Variants in AP5Z1 observed in about 807,000 individuals in gnomAD.
AP5Z1 encodes AP-5 complex subunit zeta-1.
In AP5Z1, 106 loss-of-function variants were observed where a neutral mutation model predicts 83.0. The ratio of observed to expected loss-of-function variants is 1.28; its 90% CI spans 1.09 to 1.50. The LOEUF (loss-of-function observed/expected upper bound fraction) is 1.50, where lower values mean the gene tolerates loss of function less well. Among genes scored for constraint, AP5Z1 ranks in the 40% most tolerant of loss-of-function variants. AP5Z1 has a pLI of 0.00. For synonymous variants in AP5Z1, 751 were observed against 514.1 expected (o/e 1.46, Z -6.23); for missense variants, 1,565 against 1,094.2 (o/e 1.43, Z -6.07).
At position 4,791,184 on chromosome 7, in the gene AP5Z1, G is replaced by A. The variant is rs1236157710; in HGVS notation, c.2223G>A (p.Glu741=). The A allele has an allele frequency of 1.2e-6, 2 of 1,612,386 alleles. No individual in the cohort carries two copies. The highest frequency in any genetic ancestry group is 1.7e-6 in the Non-Finnish European group (2 of 1,179,704). Reference sequence around the variant, plus strand: ...CAGCCACCAGCTCCACGCACAGCGAGGAGGGCGCGGAAGCCATCCGTACCC... The same window carrying A: ...CAGCCACCAGCTCCACGCACAGCGAAGAGGGCGCGGAAGCCATCCGTACCC... The part of the protein sequence containing the change: ...HSPATSSTHS[E]EGAEAIRTRA... Residue 741 remains glutamate (E), a synonymous_variant, in exon 17 of 17, where the codon GAG becomes GAA. Transcript: ENST00000649063.
chr7:4,784,815 T>G, intron 6 of AP5Z1, 93 bp from the exon 7 acceptor site: 1 of 1,470,608 alleles, frequency 6.8e-7, no homozygotes, highest in Non-Finnish European at 9.1e-7. Flanking sequence ...GGCTGCGGCC[T>G]GTGCTCTCCT....
Position 4,790,842 on chromosome 7 carries a change from C to T in AP5Z1, c.2108C>T (p.Thr703Ile), listed in dbSNP as rs1316099213. ...CCCCAGGTGGTCACCGTGCTGATGA[C>T]CACGCTGACGAAGCTGGCCTCCCGG... Reference protein sequence around the residue: ...CPPQVVTVLMTTLTKLASRSQ... With the variant: ...CPPQVVTVLMITLTKLASRSQ... Residue 703 changes from threonine (T) to isoleucine (I), a missense_variant, in exon 16 of 17, where the codon ACC becomes ATC. Physicochemically the swap from Thr to Ile is moderately conservative, Grantham distance 89. Transcript: ENST00000649063. The T allele has an allele frequency of 1.2e-6, 2 of 1,608,890 alleles. No individual in the cohort carries two copies. Among genetic ancestry groups the T allele is most frequent in the Non-Finnish European group, 1.7e-6 (2 of 1,178,708 alleles).
At chr7:4,783,882 G>A in intron 5 of AP5Z1, 84 bp downstream of exon 5, 1 of 1,392,998 alleles carries the variant, frequency 7.2e-7, no homozygotes, top group East Asian at 2.5e-5. Context: ...ACAGCGGCGA[G>A]GCCTGCTGTC....
chr7:4,783,290 C>T, intron 3 of AP5Z1, 26 bp from the exon 4 acceptor site: 1 of 1,575,746 alleles, frequency 6.3e-7, no homozygotes, highest in Non-Finnish European at 8.6e-7. Flanking sequence ...GCCAGTACCC[C>T]AGCGTTTGCC....
At position 4,787,746 on chromosome 7, in the gene AP5Z1, G is replaced by A; in HGVS notation, c.1424G>A (p.Cys475Tyr). ...CTGCACGCGCTGCTGGACCTGCCCTGCTTGACGGCGGTGCTGGACCTGCAG... is the reference window on the plus strand; with the variant it reads ...CTGCACGCGCTGCTGGACCTGCCCTACTTGACGGCGGTGCTGGACCTGCAG... ...EMLHALLDLP[C>Y]LTAVLDLQLR... is the part of the protein sequence containing the mutation. The change falls in exon 11 of 17, where the codon TGC (cysteine) becomes TAC (tyrosine). Residue 475 changes from cysteine (C) to tyrosine (Y), a missense_variant. Cys to Tyr is a radical substitution (Grantham distance 194, BLOSUM62 -2). Transcript: ENST00000649063. The A allele has an allele frequency of 2.6e-6, 4 of 1,543,800 alleles. No homozygotes were observed. The highest frequency in any genetic ancestry group is 1.4e-5 in the African/African-American group (1 of 73,262).
At chr7:4,785,320 C>T (rs541382947) in intron 7 of AP5Z1, 95 bp from the exon 8 acceptor site, 150 of 1,493,426 alleles carry the variant, frequency 1.0e-4, no homozygotes, top group Non-Finnish European at 1.2e-4. Context: ...CCCCTGCTCC[C>T]GGTCCTGCCT....
At chr7:4,781,438 G>T (rs971208253) in intron 2 of AP5Z1, 126 bp downstream of exon 2, 1 of 1,544,378 alleles carries the variant, frequency 6.5e-7, no homozygotes, top group Non-Finnish European at 8.8e-7. Context: ...AACCAGTGCT[G>T]AAGGTCCATC....
intron 13 of AP5Z1, among the ~76,000 whole-genome samples, chr7:4,789,192 C>G (rs975919857): frequency 8.9e-5 from 13 of 146,320 alleles, no homozygotes; most frequent in African/African-American, 3.2e-4. Flanking sequence ...CCCCTTCATC[C>G]CGGCAGGCCA....
At position 4,787,719 on chromosome 7, in the gene AP5Z1, T is replaced by TG; in HGVS notation, c.1398dup (p.Leu467AlafsTer65). 6.5e-7 allele frequency: 1 copy of TG among 1,549,902 alleles called. No individual in the cohort carries two copies. The highest frequency in any genetic ancestry group is 2.4e-5 in the East Asian group (1 of 41,182). ...GTGGACGCTGGCACAGCCCTGGAGATGCTGCACGCGCTGCTGGACCTGCCC... is the reference window on the plus strand; with the variant it reads ...GTGGACGCTGGCACAGCCCTGGAGATGGCTGCACGCGCTGCTGGACCTGCCC... On this transcript the variant is annotated frameshift_variant, in exon 11 of 17. Coordinates refer to ENST00000649063, the MANE Select transcript of AP5Z1 (RefSeq NM_014855.3). LOFTEE classifies it high-confidence loss of function.
At chr7:4,790,989 A>C in intron 16 of AP5Z1, 102 bp downstream of exon 16, 1 of 1,472,306 alleles carries the variant, frequency 6.8e-7, no homozygotes, top group Non-Finnish European at 9.0e-7. Context: ...GCAGCAGCGC[A>C]GGTCCTGGGT....
intron 6 of AP5Z1, 109 bp downstream of exon 6, chr7:4,784,480 TG>T: frequency 2.2e-6 from 3 of 1,339,018 alleles, no homozygotes; most frequent in Non-Finnish European, 3.0e-6. Flanking sequence ...GTGCCCAGGA[TG>T]CAGCAGAGGT....
At chr7:4,781,060 C>T (rs1781367171) in intron 1 of AP5Z1, 115 bp from the exon 2 acceptor site, 3 of 1,365,382 alleles carry the variant, frequency 2.2e-6, no homozygotes, top group Admixed American at 2.4e-5. Context: ...CCGTGTTCCT[C>T]CACACACTCG....
chr7:4,786,191 A>C, intron 9 of AP5Z1, 59 bp from the exon 10 acceptor site: 1 of 1,498,830 alleles, frequency 6.7e-7, no homozygotes, highest in East Asian at 2.3e-5. Flanking sequence ...CTAACCAGTC[A>C]CAGAAGCACG....
chr7:4,790,339 G>A (rs994102911), intron 14 of AP5Z1, 120 bp from the exon 15 acceptor site: 13 of 1,561,114 alleles, frequency 8.3e-6, no homozygotes, highest in African/African-American at 6.8e-5. Flanking sequence ...TTCCTCTATC[G>A]GAGGGTGCAG....
chr7:4,788,832 G>A lies in AP5Z1; in HGVS notation c.1596-8G>A. ...CGGGCAGCACTCACGGCCACACTGT[G>A]TCCTCAGGTTGGCGCCACTCCACCA... On this transcript the variant is annotated splice_polypyrimidine_tract_variant and splice_region_variant and intron_variant, in intron 12 of 16. Transcript: ENST00000649063. The A allele has an allele frequency of 1.9e-6, 3 of 1,599,010 alleles. No individual in the cohort carries two copies. In the South Asian group the frequency reaches 3.4e-5, roughly 18 times the overall value.
At chr7:4,782,945 C>T (rs17135119) in intron 3 of AP5Z1, among the ~76,000 whole-genome samples, 6,714 of 152,354 alleles carry the variant, frequency 0.044, 254 homozygotes, top group African/African-American at 0.099. Flanking sequence ...GATGTTTCAG[C>T]ACCTGGGTGT....
chr7:4,785,437 C>T lies in AP5Z1; in HGVS notation c.954C>T (p.Ser318=), dbSNP rs111361085. The change falls in exon 8 of 17, where the codon TCC becomes TCT. Residue 318 remains serine, a synonymous_variant. Coordinates refer to ENST00000649063, the MANE Select transcript of AP5Z1 (RefSeq NM_014855.3). ...SNRRALRKGD[S]DLQKACLVEA... ...CAGGAGCCCTGAGGAAGGGGGACTC[C>T]GACCTGCAGAAAGCTGTAAGTGGCT... 233 of 1,613,344 alleles carry T rather than the reference C, an allele frequency of 1.4e-4. No individual in the cohort carries two copies. The highest frequency in any genetic ancestry group is 3.1e-4 in the East Asian group (14 of 44,862).
At chr7:4,787,915 C>G in intron 11 of AP5Z1, 139 bp downstream of exon 11, 2 of 1,221,138 alleles carry the variant, frequency 1.6e-6, no homozygotes, top group East Asian at 2.6e-5. Flanking sequence ...TCCTCCCCTG[C>G]AAAGCCACCT....
chr7:4,789,408 A>C (rs1369909844), intron 13 of AP5Z1, among the ~76,000 whole-genome samples: 1 of 152,060 alleles, frequency 6.6e-6, no homozygotes, highest in African/African-American at 2.4e-5. Context: ...TCTGAGGCCA[A>C]AATAAAGGCT....
Sources: allele counts gnomAD v4.1 joint callset (sites outside exome capture counted in the v4.1 genomes callset), GRCh38; gene constraint gnomAD v4.1.1; transcripts MANE v1.5; gene names NCBI Gene and HGNC (gene_info 2026-07-23, HGNC 2026-07-21).